USH2A: variants seen among roughly 807,000 people sequenced by gnomAD.
The protein encoded by USH2A is usherin.
A neutral mutation model predicts 538.9 loss-of-function variants in USH2A; 443 were observed. The observed-to-expected ratio is 0.82, with a 90% CI of 0.76 to 0.89. The LOEUF is 0.89. USH2A is among the 40% of genes least tolerant of loss of function. USH2A has a pLI of 0.00. For missense variants in USH2A, 6,633 were observed against 6,324.8 expected, an observed-to-expected ratio of 1.05 and a Z score of -1.65; for synonymous variants, 2,413 against 2,273.5, an observed-to-expected ratio of 1.06 and a Z score of -1.75.
chr1:215,715,216 C>A (rs2102701696), intron 61 of USH2A, among the ~76,000 whole-genome samples: 1 of 152,320 alleles, frequency 6.6e-6, no homozygotes, highest in East Asian at 1.9e-4. Context: ...TCAGCTCCCA[C>A]TTACAAGTGA....
chr1:215,801,752 T>C (rs976451868), intron 49 of USH2A, among the ~76,000 whole-genome samples: 5 of 152,100 alleles, frequency 3.3e-5, no homozygotes, highest in South Asian at 2.1e-4. Context: ...CCAATGCTTT[T>C]TGCAGAAGCA....
chr1:215,907,779 G>T (rs1665677612), intron 38 of USH2A, among the ~76,000 whole-genome samples: 1 of 151,972 alleles, frequency 6.6e-6, no homozygotes, highest in African/African-American at 2.4e-5. Flanking sequence ...AGATACCATG[G>T]TGCCCAACAC....
At chr1:216,346,980 C>A (rs1222216874) in intron 4 of USH2A, among the ~76,000 whole-genome samples, 3 of 151,936 alleles carry the variant, frequency 2.0e-5, no homozygotes, top group African/African-American at 7.3e-5. Context: ...ACTTTTAGTT[C>A]ATGTGACTTT....
At chr1:216,324,070 G>T in intron 7 of USH2A, 98 bp downstream of exon 7, 1 of 1,326,678 alleles carries the variant, frequency 7.5e-7, no homozygotes, top group Non-Finnish European at 1.0e-6. Context: ...GGAAGTTGGT[G>T]GTGAAGGGAA....
At chr1:216,039,599 A>G (rs1341543631) in intron 32 of USH2A, among the ~76,000 whole-genome samples, 1 of 152,088 alleles carries the variant, frequency 6.6e-6, no homozygotes, top group African/African-American at 2.4e-5. Flanking sequence ...ATATTTAAAT[A>G]TGCAAAATAA....
At chr1:216,259,954 T>G (rs556664159) in intron 11 of USH2A, among the ~76,000 whole-genome samples, 19 of 152,184 alleles carry the variant, frequency 1.2e-4, no homozygotes, top group African/African-American at 4.6e-4. Context: ...GGCAACGTTC[T>G]TGACTAATCA....
intron 61 of USH2A, among the ~76,000 whole-genome samples, chr1:215,687,369 G>GT (rs138044252): frequency 0.025 from 3,697 of 147,356 alleles, 138 homozygotes; most frequent in African/African-American, 0.086. Flanking sequence ...AAGGGAGAAG[G>GT]TTTTTTTTTT....
chr1:216,324,369 A>G lies in USH2A; in HGVS notation c.1144-17T>C. ...ATAAAACACCTGAAAATGGAAAGTT[A>G]ATTAATGTAATTAAAGTTTTAAGTT... On this transcript the variant is annotated splice_polypyrimidine_tract_variant and intron_variant, in intron 6 of 71. Transcript: ENST00000307340. 1 of 1,589,038 alleles carries G rather than the reference A, an allele frequency of 6.3e-7. No individual in the cohort carries two copies. Among genetic ancestry groups the G allele is most frequent in the Non-Finnish European group, 8.6e-7 (1 of 1,162,864 alleles).
intron 21 of USH2A, among the ~76,000 whole-genome samples, chr1:216,150,826 G>T (rs1032203011): frequency 8.5e-5 from 13 of 152,086 alleles, no homozygotes; most frequent in Non-Finnish European, 1.8e-4. Flanking sequence ...AATTCCCCTG[G>T]GTAACCTTTC....
chr1:215,636,146 C>G lies in USH2A; in HGVS notation c.15053-1443G>C, dbSNP rs530827104. The stretch of plus-strand genomic sequence containing the variant: ...AGGTCAGAAGAACAAGCAGACACAA[C>G]TGCAAAGCCCACTCACTCACTGGAC... On this transcript the variant is annotated intron_variant, in intron 69 of 71. Coordinates refer to ENST00000307340, the MANE Select transcript of USH2A (RefSeq NM_206933.4). 2.0e-5 allele frequency among the ~76,000 whole-genome samples: 3 copies of G among 152,310 alleles called. 1 individual carries two copies. Among genetic ancestry groups the G allele is most frequent in the African/African-American group, 7.2e-5 (3 of 41,572 alleles).
intron 4 of USH2A, among the ~76,000 whole-genome samples, chr1:216,340,536 CAAAAAA>C (rs58985032): frequency 8.3e-6 from 1 of 119,902 alleles, no homozygotes; most frequent in Non-Finnish European, 1.8e-5. Context: ...AGAGACATGA[CAAAAAA>C]AAAAAAAAGA....
chr1:216,167,431 T>C (rs962263093), intron 21 of USH2A, among the ~76,000 whole-genome samples: 10 of 152,130 alleles, frequency 6.6e-5, no homozygotes, highest in Non-Finnish European at 1.2e-4. Context: ...GCATGCGCAC[T>C]AAGAGGCAAA....
intron 3 of USH2A, among the ~76,000 whole-genome samples, chr1:216,395,569 T>TA (rs1262650356): frequency 6.6e-6 from 1 of 152,228 alleles, no homozygotes; most frequent in African/African-American, 2.4e-5. Context: ...TATCACAACT[T>TA]ATGCTCCTCA....
intron 64 of USH2A, among the ~76,000 whole-genome samples, chr1:215,666,830 G>A (rs144503158): frequency 2.0e-3 from 310 of 152,268 alleles, no homozygotes; most frequent in African/African-American, 7.2e-3. Flanking sequence ...GGTGGCTCAC[G>A]CCTGTAATCC....
chr1:215,796,004 T>C (rs1662122135), intron 50 of USH2A, among the ~76,000 whole-genome samples: 2 of 135,888 alleles, frequency 1.5e-5, no homozygotes, highest in Non-Finnish European at 3.2e-5. Context: ...TTTATGAAAA[T>C]AAATGTTTTT....
chr1:216,275,688 A>G lies in USH2A; in HGVS notation c.1971+13592T>C, dbSNP rs975934762. 2.0e-5 allele frequency among the ~76,000 whole-genome samples: 3 copies of G among 152,174 alleles called. No homozygotes were observed. In the East Asian group the frequency reaches 5.8e-4, roughly 29 times the overall value. On this transcript the variant is annotated intron_variant, in intron 11 of 71. Transcript: ENST00000307340. ...AAATTTCTTAGGTTATATAGGTAAGATAAGTGGAATCTCTGTTATACATTA... is the reference window on the plus strand; with the variant it reads ...AAATTTCTTAGGTTATATAGGTAAGGTAAGTGGAATCTCTGTTATACATTA...
intron 3 of USH2A, among the ~76,000 whole-genome samples, chr1:216,414,780 AG>A (rs534702116): frequency 3.4e-4 from 52 of 152,252 alleles, no homozygotes; most frequent in African/African-American, 1.2e-3. Flanking sequence ...GCCATTTGGA[AG>A]ATGGGTGAAA....
intron 3 of USH2A, among the ~76,000 whole-genome samples, chr1:216,400,178 G>GA (rs201508727): frequency 4.1e-5 from 6 of 148,054 alleles, no homozygotes; most frequent in Non-Finnish European, 7.5e-5. Context: ...TTTCAAGCAA[G>GA]AAAAAAAATG....
chr1:216,073,091 C>G lies in USH2A; in HGVS notation c.5776+6G>C, dbSNP rs1463440896. On this transcript the variant is annotated splice_donor_region_variant and intron_variant, in intron 28 of 71. Coordinates refer to ENST00000307340, the MANE Select transcript of USH2A (RefSeq NM_206933.4). ...TAACATTTAATTTAGAGGACCTCCA[C>G]ATTACCTGTAAAAGGCTGGAGACCA... 1 of 1,613,710 alleles carries G rather than the reference C, an allele frequency of 6.2e-7. No individual in the cohort carries two copies. The highest frequency in any genetic ancestry group is 8.5e-7 in the Non-Finnish European group (1 of 1,179,936).
Sources: allele counts gnomAD v4.1 joint callset (sites outside exome capture counted in the v4.1 genomes callset), GRCh38; gene constraint gnomAD v4.1.1; transcripts MANE v1.5; gene names NCBI Gene and HGNC (gene_info 2026-07-23, HGNC 2026-07-21).